GSKIP: variants seen among roughly 807,000 people sequenced by gnomAD.
GSKIP encodes the protein GSK3B interacting protein.
In GSKIP, 5 loss-of-function variants were observed where a neutral mutation model predicts 11.9. The ratio of observed to expected loss-of-function variants is 0.42; its 90% CI spans 0.22 to 0.89. The LOEUF (loss-of-function observed/expected upper bound fraction) is 0.89. GSKIP is among the 40% of genes least tolerant of loss of function. The pLI is 0.29. For synonymous variants in GSKIP, 70 were observed against 62.9 expected (o/e 1.11, Z -0.54); for missense variants, 150 against 166.6 (o/e 0.90, Z 0.55).
intron 3 of GSKIP, among the ~76,000 whole-genome samples, chr14:96,384,087 A>G (rs954145269): frequency 1.1e-4 from 17 of 152,228 alleles, no homozygotes; most frequent in African/African-American, 4.1e-4. Context: ...GGGAATGATT[A>G]TATGACTGTA....
At chr14:96,373,223 C>CT (rs1889099551) in intron 1 of GSKIP, among the ~76,000 whole-genome samples, 2 of 85,976 alleles carry the variant, frequency 2.3e-5, no homozygotes, top group East Asian at 6.0e-4. Context: ...GAGCGAGACT[C>CT]TGTCTCAAAA....
chr14:96,380,839 C>T (rs1005122957), intron 2 of GSKIP, among the ~76,000 whole-genome samples: 2 of 152,162 alleles, frequency 1.3e-5, no homozygotes, highest in South Asian at 4.1e-4. Context: ...AACCACTGCA[C>T]GCCAGCCTGG....
intron 1 of GSKIP, among the ~76,000 whole-genome samples, chr14:96,375,932 AT>A (rs1889190422): frequency 6.6e-6 from 1 of 152,204 alleles, no homozygotes; most frequent in Non-Finnish European, 1.5e-5. Flanking sequence ...ATGATAACCC[AT>A]TAAACTATTA....
chr14:96,366,554 C>T (rs889132615), intron 1 of GSKIP, among the ~76,000 whole-genome samples: 8 of 152,086 alleles, frequency 5.3e-5, no homozygotes, highest in African/African-American at 7.2e-5. Context: ...AGACAAAGTA[C>T]CTGTCACAAA....
At chr14:96,368,988 A>G (rs747410089) in intron 1 of GSKIP, among the ~76,000 whole-genome samples, 8 of 152,232 alleles carry the variant, frequency 5.3e-5, no homozygotes, top group Non-Finnish European at 1.2e-4. Context: ...GATTGGTTAA[A>G]TGGTTGTGAC....
chr14:96,378,682 C>G (rs1314529414), intron 1 of GSKIP, among the ~76,000 whole-genome samples: 1 of 152,184 alleles, frequency 6.6e-6, no homozygotes, highest in African/African-American at 2.4e-5. Flanking sequence ...ATGGCAGGCA[C>G]AAAAATATTC....
intron 1 of GSKIP, among the ~76,000 whole-genome samples, chr14:96,377,663 C>T (rs536953744): frequency 6.6e-6 from 1 of 152,316 alleles, no homozygotes; most frequent in African/African-American, 2.4e-5. Context: ...GAAGCTGCTT[C>T]TCAAGTGTCG....
intron 1 of GSKIP, among the ~76,000 whole-genome samples, chr14:96,373,937 C>T (rs893805417): frequency 6.6e-6 from 1 of 152,212 alleles, no homozygotes; most frequent in African/African-American, 2.4e-5. Context: ...TTCAGCACCA[C>T]ATTCACAATG....
intron 3 of GSKIP, chr14:96,384,689 A>G (rs998851321): frequency 6.6e-6 from 1 of 151,992 alleles, no homozygotes; most frequent in African/African-American, 2.4e-5. Context: ...AATATCTGTT[A>G]TGTCCTCTAT....
At chr14:96,376,633 A>G (rs1239690246) in intron 1 of GSKIP, among the ~76,000 whole-genome samples, 1 of 152,236 alleles carries the variant, frequency 6.6e-6, no homozygotes, top group Non-Finnish European at 1.5e-5. Context: ...GGACGAAGAC[A>G]TATCATTGTT....
chr14:96,374,585 G>A (rs915012604), intron 1 of GSKIP, among the ~76,000 whole-genome samples: 9 of 152,072 alleles, frequency 5.9e-5, no homozygotes, highest in African/African-American at 1.9e-4. Context: ...GCCCAGGCTG[G>A]TCATGAACTG....
At chr14:96,382,838 G>A (rs1198634161) in intron 3 of GSKIP, among the ~76,000 whole-genome samples, 1 of 152,148 alleles carries the variant, frequency 6.6e-6, no homozygotes, top group African/African-American at 2.4e-5. Flanking sequence ...GGGTTTTGCA[G>A]TCACTGTGTT....
At chr14:96,378,406 A>C (rs1889259020) in intron 1 of GSKIP, among the ~76,000 whole-genome samples, 1 of 152,192 alleles carries the variant, frequency 6.6e-6, no homozygotes, top group South Asian at 2.1e-4. Context: ...TTAAAGATTG[A>C]GGAAGGTACC....
chr14:96,376,385 G>A (rs544316404), intron 1 of GSKIP, among the ~76,000 whole-genome samples: 2 of 152,118 alleles, frequency 1.3e-5, no homozygotes, highest in African/African-American at 2.4e-5. Context: ...AGACCTTTTT[G>A]CTTATTTATA....
chr14:96,382,167 T>C, intron 2 of GSKIP, 80 bp from the exon 3 acceptor site: 1 of 932,872 alleles, frequency 1.1e-6, no homozygotes, highest in African/African-American at 1.7e-5. Context: ...TTGTAAGGCA[T>C]AGCTAATTTT....
chr14:96,376,408 T>C (rs1027582098), intron 1 of GSKIP, among the ~76,000 whole-genome samples: 1 of 152,230 alleles, frequency 6.6e-6, no homozygotes, highest in African/African-American at 2.4e-5. Context: ...TCTTTATTCA[T>C]GCTCATTCCA....
chr14:96,382,843 T>C (rs1275481279), intron 3 of GSKIP, among the ~76,000 whole-genome samples: 1 of 152,214 alleles, frequency 6.6e-6, no homozygotes, highest in East Asian at 1.9e-4. Flanking sequence ...TTGCAGTCAC[T>C]GTGTTGAAAA....
chr14:96,377,488 T>A (rs994860230), intron 1 of GSKIP, among the ~76,000 whole-genome samples: 2 of 152,208 alleles, frequency 1.3e-5, no homozygotes, highest in African/African-American at 4.8e-5. Context: ...ACACAGATAA[T>A]CCATTGAGCA....
At chr14:96,377,503 ATATATC>A (rs1889233998) in intron 1 of GSKIP, among the ~76,000 whole-genome samples, 1 of 152,228 alleles carries the variant, frequency 6.6e-6, no homozygotes, top group African/African-American at 2.4e-5. Context: ...TGAGCAGAAA[ATATATC>A]TATATTCCAT....
Sources: allele counts gnomAD v4.1 joint callset (sites outside exome capture counted in the v4.1 genomes callset), GRCh38; gene constraint gnomAD v4.1.1; transcripts MANE v1.5; gene names NCBI Gene and HGNC (gene_info 2026-07-23, HGNC 2026-07-21).